The following PLD5 variants were observed in gnomAD, a reference collection of about 807,000 sequenced individuals.
The protein encoded by PLD5 is phospholipase D family member 5.
Under a neutral mutation model 61.1 loss-of-function variants are expected in PLD5, and 36 were observed. The observed-to-expected ratio is 0.59, with a 90% confidence interval of 0.45 to 0.78. The LOEUF is 0.78. Among genes scored for constraint, PLD5 ranks in the 30% least tolerant of loss-of-function variants. The pLI is 0.00. For missense variants in PLD5, 515 were observed against 644.4 expected (o/e 0.80, Z 2.17); for synonymous variants, 243 against 242.8 (o/e 1.00, Z -0.01).
At chr1:242,252,680 C>T (rs1441945838) in intron 4 of PLD5, among the ~76,000 whole-genome samples, 2 of 152,172 alleles carry the variant, frequency 1.3e-5, no homozygotes, top group Non-Finnish European at 1.5e-5. Flanking sequence ...TAGCAACTAG[C>T]TTTTCTGTTT....
intron 1 of PLD5, among the ~76,000 whole-genome samples, chr1:242,456,358 G>C (rs998100789): frequency 2.6e-5 from 4 of 152,140 alleles, no homozygotes; most frequent in Non-Finnish European, 5.9e-5. Context: ...AGTCACACTA[G>C]CCACATCTCG....
At chr1:242,296,714 T>A (rs575597119) in intron 2 of PLD5, among the ~76,000 whole-genome samples, 5 of 149,840 alleles carry the variant, frequency 3.3e-5, no homozygotes, top group Admixed American at 2.0e-4. Context: ...ATGCTGATTA[T>A]TTTTTTTTTA....
At chr1:242,460,231 C>T (rs1299621333) in intron 1 of PLD5, among the ~76,000 whole-genome samples, 1 of 152,144 alleles carries the variant, frequency 6.6e-6, no homozygotes, top group South Asian at 2.1e-4. Context: ...GACCCTAAAT[C>T]CCTCACTAAC....
intron 1 of PLD5, among the ~76,000 whole-genome samples, chr1:242,426,080 C>A (rs2796074): frequency 6.6e-6 from 1 of 151,840 alleles, no homozygotes; most frequent in Admixed American, 6.5e-5. Context: ...ATTCTTTTTT[C>A]TATATTTTAA....
chr1:242,530,017 C>T, the PLD5 span, among the ~76,000 whole-genome samples: 1 of 152,024 alleles, frequency 6.6e-6, no homozygotes, highest in Middle Eastern at 3.2e-3. Flanking sequence ...TACAGGTGCC[C>T]AGAGTAACTG....
intron 4 of PLD5, among the ~76,000 whole-genome samples, chr1:242,246,292 G>A (rs1228425314): frequency 1.3e-5 from 2 of 152,080 alleles, no homozygotes; most frequent in African/African-American, 2.4e-5. Context: ...GTTGAACCCA[G>A]GAATTCACGG....
intron 1 of PLD5, among the ~76,000 whole-genome samples, chr1:242,452,769 T>A (rs1666826652): frequency 6.6e-6 from 1 of 152,138 alleles, no homozygotes; most frequent in Non-Finnish European, 1.5e-5. Flanking sequence ...TGAGCTGAGA[T>A]TGCGCCACTG....
At chr1:242,110,262 G>A (rs1661381970) in intron 7 of PLD5, among the ~76,000 whole-genome samples, 3 of 151,816 alleles carry the variant, frequency 2.0e-5, no homozygotes, top group Admixed American at 1.3e-4. Flanking sequence ...AGGGCCAAGG[G>A]GAGGAAGAGT....
chr1:242,259,551 G>A (rs1053254940), intron 4 of PLD5, among the ~76,000 whole-genome samples: 1 of 151,976 alleles, frequency 6.6e-6, no homozygotes, highest in Non-Finnish European at 1.5e-5. Flanking sequence ...ATCCTAAATG[G>A]TTTCAAATGC....
intron 1 of PLD5, among the ~76,000 whole-genome samples, chr1:242,450,211 C>T (rs1352731237): frequency 6.6e-6 from 1 of 152,218 alleles, no homozygotes; most frequent in East Asian, 1.9e-4. Context: ...AGCTGAACCT[C>T]ATCCAAAGCT....
At chr1:242,461,820 T>C (rs1449949016) in intron 1 of PLD5, among the ~76,000 whole-genome samples, 1 of 152,220 alleles carries the variant, frequency 6.6e-6, no homozygotes, top group Admixed American at 6.5e-5. Context: ...GTGGTTTTGA[T>C]TTGCATTTCT....
intron 5 of PLD5, among the ~76,000 whole-genome samples, chr1:242,189,963 G>A (rs954341562): frequency 3.3e-5 from 5 of 152,014 alleles, no homozygotes; most frequent in Admixed American, 6.6e-5. Context: ...CGGGAGCAGA[G>A]CTGCAGGAAT....
At chr1:242,099,424 G>A (rs1301122096) in intron 9 of PLD5, among the ~76,000 whole-genome samples, 1 of 152,182 alleles carries the variant, frequency 6.6e-6, no homozygotes, top group Non-Finnish European at 1.5e-5. Context: ...ACTGCACCCA[G>A]CCAGATATAT....
chr1:242,277,308 T>A (rs544104958), intron 3 of PLD5, among the ~76,000 whole-genome samples: 2,932 of 152,168 alleles, frequency 0.019, 103 homozygotes, highest in African/African-American at 0.068. Context: ...CCACGCAGAA[T>A]GGACAGAGAA....
intron 4 of PLD5, among the ~76,000 whole-genome samples, chr1:242,259,307 C>CTCTCT (rs1553337783): frequency 9.4e-4 from 137 of 145,760 alleles, no homozygotes; most frequent in South Asian, 2.0e-3. Context: ...AGACATCACC[C>CTCTCT]CTCTCTCTCT....
chr1:242,246,017 C>A (rs779160067), intron 4 of PLD5, among the ~76,000 whole-genome samples: 1 of 152,150 alleles, frequency 6.6e-6, no homozygotes, highest in Non-Finnish European at 1.5e-5. Flanking sequence ...TCTCATTAAT[C>A]TTCAGAATAA....
At chr1:242,490,158 T>C (rs1340027794) in intron 1 of PLD5, among the ~76,000 whole-genome samples, 4 of 152,216 alleles carry the variant, frequency 2.6e-5, no homozygotes, top group African/African-American at 9.6e-5. Context: ...AGAATGATGC[T>C]AATAACCCTT....
At chr1:242,223,732 T>C (rs1670750272) in intron 4 of PLD5, among the ~76,000 whole-genome samples, 1 of 152,174 alleles carries the variant, frequency 6.6e-6, no homozygotes, top group Admixed American at 6.5e-5. Flanking sequence ...TTGTATATGG[T>C]TCATGGACTA....
At chr1:242,389,073 T>C (rs1662769852) in intron 1 of PLD5, among the ~76,000 whole-genome samples, 1 of 151,064 alleles carries the variant, frequency 6.6e-6, no homozygotes, top group African/African-American at 2.4e-5. Flanking sequence ...AAAAAAATCA[T>C]TGAGAAACTA....
Sources: gnomAD v4.1 joint callset for allele counts (sites outside exome capture counted in the v4.1 genomes callset) on GRCh38, gnomAD v4.1.1 for gene constraint, MANE v1.5 for transcripts, NCBI Gene and HGNC (gene_info 2026-07-23, HGNC 2026-07-21) for gene names.